Variants in SYNE3 observed in about 807,000 individuals in gnomAD.
SYNE3 encodes the protein nesprin-3.
A neutral mutation model predicts 111.2 loss-of-function variants in SYNE3; 100 were observed. The observed-to-expected ratio is 0.90, with a 90% CI of 0.77 to 1.06. The LOEUF (loss-of-function observed/expected upper bound fraction) is 1.06. Among genes scored for constraint, SYNE3 ranks in the 50% least tolerant of loss-of-function variants. The pLI, the probability that SYNE3 is intolerant of heterozygous loss-of-function variation, is 0.00. For synonymous variants in SYNE3, 547 were observed against 533.9 expected (o/e 1.02, Z -0.34); for missense variants, 1,160 against 1,240.3 (o/e 0.94, Z 0.97).
chr14:95,480,461 T>C (rs1889169511), intron 1 of SYNE3, among the ~76,000 whole-genome samples: 1 of 152,140 alleles, frequency 6.6e-6, no homozygotes, highest in African/African-American at 2.4e-5. Flanking sequence ...ACCGAGCCCA[T>C]GCTCAGAACA....
rs768874517 is a variant in SYNE3, at chr14:95,457,232, C to A, written c.734G>T (p.Gly245Val). 4.3e-6 allele frequency: 7 copies of A among 1,614,154 alleles called. No homozygotes were observed. The highest frequency in any genetic ancestry group is 5.9e-6 in the Non-Finnish European group (7 of 1,180,022). ...WLKAVVEKVN[G>V]CLGRNCKLPI... The stretch of plus-strand genomic sequence containing the variant: ...CAGCTTGCAGTTCCGCCCCAGGCAG[C>A]CATTCACCTTCTCCACCACCGCCTT... The change falls in exon 5 of 18, where the codon GGC becomes GTC. Residue 245 changes from glycine (G) to valine (V), a missense_variant. Gly to Val is a moderately radical substitution (Grantham distance 109). Transcript: ENST00000682763.
Position 95,467,957 on chromosome 14 carries a change from T to A in SYNE3, c.155A>T (p.Gln52Leu), listed in dbSNP as rs1418813035. ...CCTCACACGCCCCTCGGGCTCCAGC[T>A]GGCATATTTTCTGTTGTGGACACAC... ...ARLWETEKIC[Q>L]LEPEGRVRVD... The change falls in exon 3 of 18, where the codon CAG becomes CTG. Residue 52 changes from glutamine (Q) to leucine (L), a missense_variant. By Grantham distance (113) the Gln-to-Leu change is moderately radical. Coordinates refer to ENST00000682763, the MANE Select transcript of SYNE3 (RefSeq NM_152592.6). 1 of 1,611,004 alleles carries A rather than the reference T, an allele frequency of 6.2e-7. No individual in the cohort carries two copies. Among genetic ancestry groups the A allele is most frequent in the Non-Finnish European group, 8.5e-7 (1 of 1,178,020 alleles).
At chr14:95,442,109 C>T (rs937612573) in intron 11 of SYNE3, among the ~76,000 whole-genome samples, 1 of 152,164 alleles carries the variant, frequency 6.6e-6, no homozygotes, top group Non-Finnish European at 1.5e-5. Flanking sequence ...AGAGCTGCAC[C>T]CTTTGTGTAA....
rs754239725 is a variant in SYNE3 at position 95,455,550 on chromosome 14, G to GCTC, written c.961_963dup (p.Glu321dup). On this transcript the variant is annotated inframe_insertion, in exon 6 of 18. Transcript: ENST00000682763. Reference sequence around the variant, plus strand: ...CTGGACCGGAGCAGGCCCCGCAGCCGCTCCTCCTCCTCCTCCCAGAGGGCG... The same window carrying GCTC: ...CTGGACCGGAGCAGGCCCCGCAGCCGCTCCTCCTCCTCCTCCTCCCAGAGGGCG... 6.8e-6 allele frequency: 11 copies of GCTC among 1,613,840 alleles called. No individual in the cohort carries two copies. Among genetic ancestry groups the GCTC allele is most frequent in the South Asian group, 5.5e-5 (5 of 91,072 alleles).
At chr14:95,430,691 GCGCA>G (rs1885708496) in intron 17 of SYNE3, among the ~76,000 whole-genome samples, 1 of 152,166 alleles carries the variant, frequency 6.6e-6, no homozygotes, top group Non-Finnish European at 1.5e-5. Flanking sequence ...GGGTGTGGTA[GCGCA>G]TGCCTGTAAT....
chr14:95,431,580 G>A (rs1186486510), intron 17 of SYNE3, among the ~76,000 whole-genome samples: 1 of 152,166 alleles, frequency 6.6e-6, no homozygotes, highest in African/African-American at 2.4e-5. Flanking sequence ...CTCTGAGCAC[G>A]GCTCAGTAGG....
intron 14 of SYNE3, 115 bp from the exon 15 acceptor site, chr14:95,437,096 G>A: frequency 7.7e-7 from 1 of 1,292,958 alleles, no homozygotes; most frequent in Non-Finnish European, 1.1e-6. Context: ...GCCCAAAATG[G>A]CGACGGGAGA....
In SYNE3 at chr14:95,410,035, G is replaced by T. The variant is rs1433560605; in HGVS notation, c.*7791C>A. ...CACAAAGAAAGTGTTCAAAAGCTTA[G>T]CCCTGGGTGCTCACCGCCAGGACAA... On this transcript the variant is annotated 3_prime_UTR_variant, in exon 18 of 18. Transcript: ENST00000682763. 6.5e-6 allele frequency: 1 copy of T among 153,952 alleles called. No homozygotes were observed. The highest frequency in any genetic ancestry group is 1.9e-4 in the East Asian group (1 of 5,200). The allele number at this position is 153,952 out of a possible 1,614,324, so 9.5% of individuals were successfully genotyped here.
At chr14:95,431,438 GCA>G (rs1051003396) in intron 17 of SYNE3, among the ~76,000 whole-genome samples, 2 of 152,218 alleles carry the variant, frequency 1.3e-5, no homozygotes, top group Admixed American at 1.3e-4. Context: ...CCACAACTTA[GCA>G]CAGTTCCTGG....
chr14:95,426,594 C>A (rs1885438635), intron 17 of SYNE3, among the ~76,000 whole-genome samples: 1 of 151,984 alleles, frequency 6.6e-6, no homozygotes, highest in Non-Finnish European at 1.5e-5. Context: ...AAAAAAAAAT[C>A]ATAATTTTTG....
At position 95,474,786 on chromosome 14, in the gene SYNE3, C is replaced by A. The variant is rs116169445; in HGVS notation, c.144+892G>T. Among the ~76,000 whole-genome samples, 1,516 of 152,294 alleles carry A rather than the reference C, an allele frequency of 1.0e-2. 34 individuals carry two copies. The highest frequency in any genetic ancestry group is 0.035 in the African/African-American group (1,458 of 41,542). On this transcript the variant is annotated intron_variant, in intron 2 of 17. Coordinates refer to ENST00000682763, the MANE Select transcript of SYNE3 (RefSeq NM_152592.6). ...ACACACAAAGGAAACACACAAGGAA[C>A]CAGCTGTGGGGTCACCACTGCTTCC...
intron 2 of SYNE3, 133 bp from the exon 3 acceptor site, chr14:95,468,100 G>A: frequency 9.1e-7 from 1 of 1,101,986 alleles, no homozygotes; most frequent in South Asian, 1.7e-5. Flanking sequence ...CACAGCCCCT[G>A]CACCCCTTCT....
At chr14:95,454,365 T>G (rs1887281083) in intron 6 of SYNE3, among the ~76,000 whole-genome samples, 1 of 152,274 alleles carries the variant, frequency 6.6e-6, no homozygotes, top group Non-Finnish European at 1.5e-5. Flanking sequence ...CAGGCAAGTC[T>G]CCTAGCCTCT....
At chr14:95,478,113 T>C (rs186182206) in intron 1 of SYNE3, among the ~76,000 whole-genome samples, 1 of 152,126 alleles carries the variant, frequency 6.6e-6, no homozygotes, top group Non-Finnish European at 1.5e-5. Flanking sequence ...CCGGTGGGGT[T>C]GAGCAGGCGG....
chr14:95,471,132 T>G (rs1226461852), intron 2 of SYNE3, among the ~76,000 whole-genome samples: 5 of 152,196 alleles, frequency 3.3e-5, no homozygotes, highest in Non-Finnish European at 7.3e-5. Flanking sequence ...GAGGAATGAT[T>G]CTCTACAGCT....
In SYNE3 at chr14:95,485,126, T is replaced by C. The variant is rs78470517; in HGVS notation, c.-14-9291A>G. ...AGATGATTCTAACCATGGGCGTGAG[T>C]GTGTATTTGGCAAATTCATCCACAC... On this transcript the variant is annotated intron_variant, in intron 1 of 17. Coordinates refer to ENST00000682763, the MANE Select transcript of SYNE3 (RefSeq NM_152592.6). The surrounding 1 kb of genome is among the most constrained non-coding windows in gnomAD (Gnocchi z 4.3). Among the ~76,000 whole-genome samples, 7,657 of 152,146 alleles carry C rather than the reference T, an allele frequency of 0.05. 316 individuals are homozygous for C. The highest frequency in any genetic ancestry group is 0.11 in the African/African-American group (4,760 of 41,482).
intron 1 of SYNE3, among the ~76,000 whole-genome samples, chr14:95,499,856 CTT>C (rs10547044): frequency 0.011 from 969 of 90,028 alleles, 21 homozygotes; most frequent in African/African-American, 0.043. Flanking sequence ...TAACTCTTGT[CTT>C]TTTTTTTTTT....
chr14:95,478,278 A>G (rs1256504200), intron 1 of SYNE3, among the ~76,000 whole-genome samples: 1 of 152,230 alleles, frequency 6.6e-6, no homozygotes, highest in Admixed American at 6.5e-5. Flanking sequence ...GCATCCAATA[A>G]GCAGACAGCA....
At position 95,439,108 on chromosome 14, in the gene SYNE3, C is replaced by T. The variant is rs773702748; in HGVS notation, c.2301G>A (p.Met767Ile). The change falls in exon 14 of 18, where the codon ATG becomes ATA. Residue 767 changes from methionine to isoleucine, a missense_variant. Met to Ile is a conservative substitution (Grantham distance 10). Coordinates refer to ENST00000682763, the MANE Select transcript of SYNE3 (RefSeq NM_152592.6). ...ACTTTGGGATGTTGTTGGTGAAAAC[C>T]ATTTTCTTCCCCGAATCCACTTCCA... Reference protein sequence around the residue: ...QRMEVDSGKKMVFTNNIPKSG... With the variant: ...QRMEVDSGKKIVFTNNIPKSG... 1 of 1,614,250 alleles carries T rather than the reference C, an allele frequency of 6.2e-7. No homozygotes were observed. The highest frequency in any genetic ancestry group is 1.1e-5 in the South Asian group (1 of 91,088).
Sources: gnomAD v4.1 joint callset for allele counts (sites outside exome capture counted in the v4.1 genomes callset) on GRCh38, gnomAD v4.1.1 for gene constraint, Gnocchi (gnomAD v3.1) non-coding constraint, MANE v1.5 for transcripts, NCBI Gene and HGNC (gene_info 2026-07-23, HGNC 2026-07-21) for gene names.